Variants in ITIH2 observed in about 807,000 individuals in gnomAD.
ITIH2 encodes the protein inter-alpha-trypsin inhibitor heavy chain H2.
ITIH2 carries 103 observed loss-of-function variants against 104.4 expected under a neutral mutation model. The ratio of observed to expected loss-of-function variants is 0.99; its 90% CI spans 0.84 to 1.16. ITIH2 has a LOEUF of 1.16. Among genes scored for constraint, ITIH2 ranks in the 50% most tolerant of loss-of-function variants. The pLI is 0.00. For synonymous variants in ITIH2, 436 were observed against 435.4 expected (o/e 1.00, Z -0.02); for missense variants, 1,108 against 1,162.4 (o/e 0.95, Z 0.68).
chr10:7,734,670 G>A (rs1835035254), intron 14 of ITIH2, among the ~76,000 whole-genome samples: 6 of 152,186 alleles, frequency 3.9e-5, no homozygotes, highest in Admixed American at 3.3e-4. Flanking sequence ...ACTCCAGCCT[G>A]GGCAACAGGG....
In ITIH2 at chr10:7,723,502, A is replaced by T; in HGVS notation, c.919A>T (p.Ile307Phe). Residue 307 changes from isoleucine to phenylalanine, a missense_variant, in exon 9 of 21, where the codon ATT (isoleucine) becomes TTT (phenylalanine). Physicochemically the swap from Ile to Phe is conservative, Grantham distance 21. Transcript: ENST00000358415. ...CTTTGCTCCTGACAACCTGGACCCAATTCCCAAAAACATCCTCTTTGTCAT... is the reference window on the plus strand; with the variant it reads ...CTTTGCTCCTGACAACCTGGACCCATTTCCCAAAAACATCCTCTTTGTCAT... Reference protein sequence around the residue: ...HFFAPDNLDPIPKNILFVIDV... With the variant: ...HFFAPDNLDPFPKNILFVIDV... The T allele has an allele frequency of 6.2e-7, 1 of 1,614,082 alleles. No homozygotes were observed. Among genetic ancestry groups the T allele is most frequent in the Non-Finnish European group, 8.5e-7 (1 of 1,179,966 alleles).
Position 7,724,596 on chromosome 10 carries a change from A to AGAAGAC in ITIH2, c.984+1041_984+1046dup, listed in dbSNP as rs372447048. ...AAAAAAAAAAAAAAAAAGAAGAGGA[A>AGAAGAC]GAAGACGAAGACGAAGAAGAGGAAA... On this transcript the variant is annotated intron_variant, in intron 9 of 20. Coordinates refer to ENST00000358415, the MANE Select transcript of ITIH2 (RefSeq NM_002216.3). 3.3e-3 allele frequency among the ~76,000 whole-genome samples: 490 copies of AGAAGAC among 150,058 alleles called. 10 individuals carry two copies. Among genetic ancestry groups the AGAAGAC allele is most frequent in the African/African-American group, 0.011 (447 of 40,792 alleles).
intron 4 of ITIH2, among the ~76,000 whole-genome samples, chr10:7,711,699 G>A (rs965608634): frequency 2.6e-5 from 4 of 152,072 alleles, no homozygotes; most frequent in African/African-American, 9.7e-5. Flanking sequence ...CTCAACACAC[G>A]TGCTGTTGGC....
intron 17 of ITIH2, 55 bp downstream of exon 17, chr10:7,743,314 G>C: frequency 1.1e-6 from 1 of 871,954 alleles, no homozygotes; most frequent in South Asian, 1.6e-5. Context: ...ATGCTTTCCT[G>C]TCACTGCCTG....
At chr10:7,711,833 C>T (rs1834799082) in intron 4 of ITIH2, among the ~76,000 whole-genome samples, 1 of 152,200 alleles carries the variant, frequency 6.6e-6, no homozygotes. Flanking sequence ...AAACTTCACA[C>T]ATTTCCAAAT....
rs756124795 is a variant in ITIH2 at position 7,744,097 on chromosome 10, G to A, written c.2225G>A (p.Gly742Asp). The A allele has an allele frequency of 3.1e-6, 5 of 1,613,802 alleles. No homozygotes were observed. The highest frequency in any genetic ancestry group is 3.4e-6 in the Non-Finnish European group (4 of 1,179,888). The part of the protein sequence containing the change: ...SDPESGIVVN[G>D]QLVGAKKPNN... Reference sequence around the variant, plus strand: ...TTTCCTGTAGGAATTGTAGTCAACGGTCAGCTTGTTGGTGCCAAGAAGCCC... The same window carrying A: ...TTTCCTGTAGGAATTGTAGTCAACGATCAGCTTGTTGGTGCCAAGAAGCCC... The change falls in exon 18 of 21, where the codon GGT (glycine) becomes GAT (aspartate). Residue 742 changes from glycine to aspartate, a missense_variant. Gly to Asp is a moderately conservative substitution (Grantham distance 94). Transcript: ENST00000358415.
intron 8 of ITIH2, among the ~76,000 whole-genome samples, chr10:7,723,138 C>CGTGGAGTGGCGTGGCGTGGA (rs1160657526): frequency 6.6e-5 from 1 of 15,156 alleles, no homozygotes; most frequent in East Asian, 1.4e-3. Flanking sequence ...CCTGGCATGG[C>CGTGGAGTGGCGTGGCGTGGA]GTGGAGTGGC....
intron 5 of ITIH2, 74 bp from the exon 6 acceptor site, chr10:7,717,552 C>T: frequency 1.4e-6 from 2 of 1,396,432 alleles, no homozygotes; most frequent in East Asian, 2.3e-5. Flanking sequence ...ATTCTACATG[C>T]CCTCTGCCTA....
At chr10:7,747,932 G>A (rs12242083) in intron 20 of ITIH2, among the ~76,000 whole-genome samples, 3,601 of 151,458 alleles carry the variant, frequency 0.024, 77 homozygotes, top group South Asian at 0.06. Flanking sequence ...TAGGCCAGGC[G>A]CAGTGGCTCA....
intron 19 of ITIH2, 86 bp downstream of exon 19, chr10:7,745,049 C>T (rs540255356): frequency 1.1e-3 from 1,345 of 1,224,714 alleles, no homozygotes; most frequent in Non-Finnish European, 1.4e-3. Flanking sequence ...AAGTTGAGGA[C>T]ATGGCAGGTG....
In ITIH2 at chr10:7,718,222, C is replaced by T. The variant is rs186592745; in HGVS notation, c.630+434C>T. 8.7e-4 allele frequency among the ~76,000 whole-genome samples: 132 copies of T among 152,272 alleles called. 1 individual carries two copies. The highest frequency in any genetic ancestry group is 2.3e-3 in the African/African-American group (94 of 41,552). On this transcript the variant is annotated intron_variant, in intron 6 of 20. Coordinates refer to ENST00000358415, the MANE Select transcript of ITIH2 (RefSeq NM_002216.3). ...CAGATCACTCCAATCTCTTCTTCCA[C>T]GGTCGCATCCTCTCCTCCTCCGAGC... is the stretch of plus-strand genomic sequence containing the variant.
chr10:7,721,424 C>G (rs1834901508), intron 7 of ITIH2, among the ~76,000 whole-genome samples: 1 of 152,190 alleles, frequency 6.6e-6, no homozygotes, highest in Non-Finnish European at 1.5e-5. Context: ...AATTCTTCGG[C>G]TTTCTTCTAA....
At chr10:7,731,769 CA>C in intron 12 of ITIH2, 41 bp from the exon 13 acceptor site, 3 of 1,335,442 alleles carry the variant, frequency 2.2e-6, no homozygotes, top group Non-Finnish European at 3.1e-6. Flanking sequence ...ATCTACAAAG[CA>C]GTAGGAACAT....
rs1405695117 is a variant in ITIH2 at position 7,713,289 on chromosome 10, A to G, written c.467+4A>G. On this transcript the variant is annotated splice_donor_region_variant and intron_variant, in intron 5 of 20. Coordinates refer to ENST00000358415, the MANE Select transcript of ITIH2 (RefSeq NM_002216.3). ...GCAAGACGGCTGGCTTGGTGAGGTA[A>G]GGCCTGAGTGAGCAAGGCTTGCCCT... is the stretch of plus-strand genomic sequence containing the variant. 1.2e-6 allele frequency: 2 copies of G among 1,609,028 alleles called. No homozygotes were observed. The highest frequency in any genetic ancestry group is 3.3e-5 in the Admixed American group (2 of 59,992).
intron 9 of ITIH2, among the ~76,000 whole-genome samples, chr10:7,725,490 G>A (rs1259277817): frequency 6.6e-6 from 1 of 152,196 alleles, no homozygotes; most frequent in African/African-American, 2.4e-5. Flanking sequence ...CATGATCAGA[G>A]CTGGATTCTG....
chr10:7,732,894 A>AT (rs1835017559), intron 14 of ITIH2, among the ~76,000 whole-genome samples: 1 of 151,684 alleles, frequency 6.6e-6, no homozygotes, highest in African/African-American at 2.4e-5. Context: ...CGCCCAGCTA[A>AT]TTTTTTTGTA....
intron 8 of ITIH2, 89 bp from the exon 9 acceptor site, chr10:7,723,362 C>T (rs1176401844): frequency 1.2e-6 from 1 of 830,502 alleles, no homozygotes; most frequent in South Asian, 1.4e-5. Context: ...CCCTGTAGAC[C>T]CCTCTCTTCT....
intron 19 of ITIH2, among the ~76,000 whole-genome samples, chr10:7,745,323 C>G (rs1175578380): frequency 3.3e-5 from 5 of 152,130 alleles, no homozygotes; most frequent in Non-Finnish European, 7.3e-5. Context: ...TTAAGAAGGG[C>G]TCAAATATAA....
chr10:7,746,709 G>C lies in ITIH2; in HGVS notation c.2693+5G>C. ...GCAGAAGCTGATCATCACCAGGTAG[G>C]CCTCGGGCGTAAGGACAGTGACGAA... On this transcript the variant is annotated splice_donor_5th_base_variant and intron_variant, in intron 20 of 20. Coordinates refer to ENST00000358415, the MANE Select transcript of ITIH2 (RefSeq NM_002216.3). 6.3e-7 allele frequency: 1 copy of C among 1,587,502 alleles called. No homozygotes were observed. Among genetic ancestry groups the C allele is most frequent in the Non-Finnish European group, 8.6e-7 (1 of 1,156,272 alleles).
Sources: allele counts gnomAD v4.1 joint callset (sites outside exome capture counted in the v4.1 genomes callset), GRCh38; gene constraint gnomAD v4.1.1; transcripts MANE v1.5; gene names NCBI Gene and HGNC (gene_info 2026-07-23, HGNC 2026-07-21).